Variants in IL1RAPL2 observed in about 807,000 individuals in gnomAD.
IL1RAPL2 encodes X-linked interleukin-1 receptor accessory protein-like 2.
Under a neutral mutation model 44.1 loss-of-function variants are expected in IL1RAPL2, and 3 were observed. That is an observed-to-expected ratio of 0.07 (90% CI 0.03 to 0.18). The LOEUF (loss-of-function observed/expected upper bound fraction) is 0.18, where lower values mean the gene tolerates loss of function less well. Among genes scored for constraint, IL1RAPL2 ranks in the 10% least tolerant of loss-of-function variants. The probability of loss-of-function intolerance (pLI) is 1.00; values close to 1 mark genes in which losing one functional copy is unlikely to be tolerated. For missense variants in IL1RAPL2, 391 were observed against 496.4 expected (o/e 0.79, Z 2.02); for synonymous variants, 181 against 178.8 (o/e 1.01, Z -0.10).
intron 2 of IL1RAPL2, among the ~76,000 whole-genome samples, chrX:104,704,856 G>A (rs1931338748): frequency 9.0e-6 from 1 of 111,635 alleles, no homozygotes; most frequent in Non-Finnish European, 1.9e-5. Flanking sequence ...TTCATCTAAT[G>A]GTTAATCATC....
At chrX:105,016,738 G>A (rs1446383533) in intron 2 of IL1RAPL2, among the ~76,000 whole-genome samples, 1 of 111,347 alleles carries the variant, frequency 9.0e-6, no homozygotes, top group Non-Finnish European at 1.9e-5. Flanking sequence ...GAGGATTTTT[G>A]CATCAATGTT....
chrX:104,704,642 G>A (rs1230359785), intron 2 of IL1RAPL2, among the ~76,000 whole-genome samples: 1 of 110,255 alleles, frequency 9.1e-6, no homozygotes, highest in African/African-American at 3.3e-5. Flanking sequence ...AGAGACTTTG[G>A]GCCAAGATTA....
chrX:105,453,570 G>A (rs1472669129), intron 5 of IL1RAPL2, among the ~76,000 whole-genome samples: 1 of 111,532 alleles, frequency 9.0e-6, no homozygotes, highest in Non-Finnish European at 1.9e-5. Flanking sequence ...GACTTTTTTT[G>A]CAATGCAATG....
At chrX:105,091,010 A>G (rs1293364499) in intron 2 of IL1RAPL2, among the ~76,000 whole-genome samples, 2 of 112,342 alleles carry the variant, frequency 1.8e-5, no homozygotes, top group African/African-American at 6.5e-5. Flanking sequence ...TGCCTTGGCT[A>G]GTTGAAAGCT....
intron 6 of IL1RAPL2, among the ~76,000 whole-genome samples, chrX:105,587,835 T>G (rs903782373): frequency 3.6e-5 from 4 of 111,516 alleles, no homozygotes; most frequent in Non-Finnish European, 7.5e-5. Flanking sequence ...GTCTAGGAGT[T>G]TGAGACCAGC....
intron 2 of IL1RAPL2, among the ~76,000 whole-genome samples, chrX:104,847,041 G>A (rs1317241113): frequency 1.8e-5 from 2 of 111,394 alleles, no homozygotes; most frequent in Non-Finnish European, 3.8e-5. Flanking sequence ...TTTTGATGGG[G>A]TTGTTTTTTT....
intron 6 of IL1RAPL2, among the ~76,000 whole-genome samples, chrX:105,607,635 CAAAAAAAAAAAAAA>C (rs11377516): frequency 5.7e-4 from 9 of 15,727 alleles, no homozygotes; most frequent in South Asian, 9.7e-3. Context: ...ATTCAGCAGA[CAAAAAAAAAAAAAA>C]AAAAAAAAAA....
chrX:105,497,856 T>A (rs910120642), intron 6 of IL1RAPL2, among the ~76,000 whole-genome samples: 1 of 111,964 alleles, frequency 8.9e-6, no homozygotes, highest in African/African-American at 3.2e-5. Flanking sequence ...AATAGATACA[T>A]ACAAAGCATG....
chrX:105,136,749 A>G (rs1307242203), intron 2 of IL1RAPL2, among the ~76,000 whole-genome samples: 1 of 112,124 alleles, frequency 8.9e-6, no homozygotes, highest in Non-Finnish European at 1.9e-5. Flanking sequence ...TGTGTACTGC[A>G]TAGCAAGAGA....
At chrX:105,766,040 A>T (rs1042567358) in intron 10 of IL1RAPL2, among the ~76,000 whole-genome samples, 2 of 112,505 alleles carry the variant, frequency 1.8e-5, no homozygotes, top group Non-Finnish European at 3.7e-5. Flanking sequence ...TTTGGCAGAT[A>T]AGACTTTGGG....
intron 6 of IL1RAPL2, among the ~76,000 whole-genome samples, chrX:105,616,857 TGTC>T (rs931523302): frequency 6.3e-5 from 7 of 110,737 alleles, no homozygotes; most frequent in Admixed American, 9.7e-5. Context: ...GAAATAATAA[TGTC>T]ATTATTATTA....
chrX:104,905,953 A>G (rs1300347224), intron 2 of IL1RAPL2, among the ~76,000 whole-genome samples: 3 of 109,732 alleles, frequency 2.7e-5, no homozygotes, highest in Non-Finnish European at 5.7e-5. Context: ...ATATTCTTCC[A>G]TTTGTTTGTA....
At chrX:105,004,811 A>G (rs1291918981) in intron 2 of IL1RAPL2, among the ~76,000 whole-genome samples, 2 of 110,981 alleles carry the variant, frequency 1.8e-5, no homozygotes. Flanking sequence ...GGTGTTCACC[A>G]TACCCCTCTT....
chrX:105,701,084 G>A (rs2038115739), intron 6 of IL1RAPL2, among the ~76,000 whole-genome samples: 1 of 110,768 alleles, frequency 9.0e-6, no homozygotes, highest in African/African-American at 3.3e-5. Context: ...TTTGAATGAT[G>A]GGAAAAACTA....
At chrX:104,652,740 A>T (rs1032819237) in intron 1 of IL1RAPL2, among the ~76,000 whole-genome samples, 3 of 111,984 alleles carry the variant, frequency 2.7e-5, no homozygotes, top group Admixed American at 9.5e-5. Context: ...TAAACATTTC[A>T]ATCTGATTGT....
chrX:105,453,205 A>AACAG (rs1347821437), intron 5 of IL1RAPL2, among the ~76,000 whole-genome samples: 13 of 111,976 alleles, frequency 1.2e-4, no homozygotes, highest in Non-Finnish European at 2.1e-4. Context: ...TTATACCTTC[A>AACAG]CATTGACACA....
chrX:104,836,464 C>T (rs1921743905), intron 2 of IL1RAPL2, among the ~76,000 whole-genome samples: 1 of 109,406 alleles, frequency 9.1e-6, no homozygotes, highest in Non-Finnish European at 1.9e-5. Flanking sequence ...TGATGGACAC[C>T]CCATTTACCC....
At chrX:104,918,373 A>G (rs1024246402) in intron 2 of IL1RAPL2, among the ~76,000 whole-genome samples, 3 of 111,733 alleles carry the variant, frequency 2.7e-5, no homozygotes, top group Non-Finnish European at 5.6e-5. Context: ...TCATTCATCA[A>G]CAAGTGATCA....
At chrX:104,901,457 C>A (rs778732925) in intron 2 of IL1RAPL2, among the ~76,000 whole-genome samples, 1 of 109,309 alleles carries the variant, frequency 9.1e-6, no homozygotes, top group South Asian at 4.0e-4. Context: ...GTGATCCGCC[C>A]GCCTCAGCCT....
Sources: gnomAD v4.1 joint callset for allele counts (sites outside exome capture counted in the v4.1 genomes callset) on GRCh38, gnomAD v4.1.1 for gene constraint, MANE v1.5 for transcripts, NCBI Gene and HGNC (gene_info 2026-07-23, HGNC 2026-07-21) for gene names.